The following LSM8 variants were observed in gnomAD, a reference collection of about 807,000 sequenced individuals.
The protein encoded by LSM8 is LSM8 U6 small nuclear RNA associated.
A neutral mutation model predicts 15.0 loss-of-function variants in LSM8; 14 were observed. The observed-to-expected ratio is 0.93, with a 90% CI of 0.62 to 1.46. The LOEUF is 1.46. Among genes scored for constraint, LSM8 ranks in the 40% most tolerant of loss-of-function variants. The pLI, the probability that LSM8 is intolerant of heterozygous loss-of-function variation, is 0.00. For synonymous variants in LSM8, 50 were observed against 42.1 expected (o/e 1.19, Z -0.73); for missense variants, 90 against 115.4 (o/e 0.78, Z 1.01).
In LSM8 at chr7:118,200,873, GT is replaced by G. The variant is rs1809161935; in HGVS notation, c.*8874del. ...CTACTTGTTTCTTGTAAAAAAGGAG[GT>G]TTCTAAATCTTGACTGTTGATTGAC... On this transcript the variant is annotated 3_prime_UTR_variant, in exon 4 of 4. Coordinates refer to ENST00000249299, the MANE Select transcript of LSM8 (RefSeq NM_016200.5). Among the ~76,000 whole-genome samples, 2 of 151,966 alleles carry G rather than the reference GT, an allele frequency of 1.3e-5. No individual in the cohort carries two copies. The highest frequency in any genetic ancestry group is 4.1e-4 in the South Asian group (2 of 4,834).
At chr7:118,184,276 C>T in intron 1 of LSM8, 22 bp downstream of exon 1, 1 of 1,474,246 alleles carries the variant, frequency 6.8e-7, no homozygotes, top group Non-Finnish European at 9.1e-7. Context: ...CTGGCCGCCG[C>T]GGGCGTGAGC....
At position 118,196,136 on chromosome 7, in the gene LSM8, G is replaced by A. The variant is rs1809073391; in HGVS notation, c.*4134G>A. On this transcript the variant is annotated 3_prime_UTR_variant, in exon 4 of 4. Transcript: ENST00000249299. ...AAATAGATTTTGGAATTTTGTCAGG[G>A]ACACTTATCAAGCCATTAATACATG... 6.6e-6 allele frequency among the ~76,000 whole-genome samples: 1 copy of A among 152,138 alleles called. No homozygotes were observed. Among genetic ancestry groups the A allele is most frequent in the Non-Finnish European group, 1.5e-5 (1 of 68,030 alleles).
rs768741430 is a variant in LSM8 at position 118,201,489 on chromosome 7, G to A, written c.*9487G>A. Among the ~76,000 whole-genome samples, 3 of 151,904 alleles carry A rather than the reference G, an allele frequency of 2.0e-5. No homozygotes were observed. The highest frequency in any genetic ancestry group is 4.2e-4 in the South Asian group (2 of 4,816). ...AACGGTTCCTTTGCATCAATAAATC[G>A]CTCTGTGATGCATTTTATAATGTAC... On this transcript the variant is annotated 3_prime_UTR_variant, in exon 4 of 4. Transcript: ENST00000249299.
In LSM8 at chr7:118,202,580, G is replaced by T. The variant is rs187603310; in HGVS notation, c.*10578G>T. Reference sequence around the variant, plus strand: ...CAACTATAACCAGCAGACTATACTGGCAAAATATACTGCTTGAATGCCATT... The same window carrying T: ...CAACTATAACCAGCAGACTATACTGTCAAAATATACTGCTTGAATGCCATT... On this transcript the variant is annotated 3_prime_UTR_variant, in exon 4 of 4. Coordinates refer to ENST00000249299, the MANE Select transcript of LSM8 (RefSeq NM_016200.5). Among the ~76,000 whole-genome samples the T allele has an allele frequency of 2.0e-5, 3 of 152,042 alleles. No homozygotes were observed. Among genetic ancestry groups the T allele is most frequent in the Admixed American group, 2.0e-4 (3 of 15,224 alleles).
At chr7:118,185,738 T>G in intron 2 of LSM8, 44 bp downstream of exon 2, 1 of 1,566,866 alleles carries the variant, frequency 6.4e-7, no homozygotes, top group Non-Finnish European at 8.8e-7. Flanking sequence ...TGTAGGTTTA[T>G]TGGTTGCAAG....
chr7:118,201,777 G>T lies in LSM8; in HGVS notation c.*9775G>T, dbSNP rs545725440. 1.3e-5 allele frequency among the ~76,000 whole-genome samples: 2 copies of T among 152,044 alleles called. No homozygotes were observed. Among genetic ancestry groups the T allele is most frequent in the East Asian group, 1.9e-4 (1 of 5,164 alleles). On this transcript the variant is annotated 3_prime_UTR_variant, in exon 4 of 4. Transcript: ENST00000249299. ...TGGTCATTTCATGTATACATTTGTG[G>T]TAACACTTTAACTTTTTCCCTGTAA...
chr7:118,193,777 A>T lies in LSM8; in HGVS notation c.*1775A>T, dbSNP rs1269574642. ...GTTGCTAAGAAAAATGCATTCTAAC[A>T]GTACAAATGAAGTCCAGAGTCAGAT... On this transcript the variant is annotated 3_prime_UTR_variant, in exon 4 of 4. Coordinates refer to ENST00000249299, the MANE Select transcript of LSM8 (RefSeq NM_016200.5). 1.3e-5 allele frequency among the ~76,000 whole-genome samples: 2 copies of T among 152,152 alleles called. No homozygotes were observed. Among genetic ancestry groups the T allele is most frequent in the African/African-American group, 4.8e-5 (2 of 41,458 alleles).
intron 3 of LSM8, chr7:118,191,625 GTTTCC>G (rs913059562): frequency 7.3e-5 from 19 of 259,338 alleles, no homozygotes; most frequent in African/African-American, 3.6e-4. Flanking sequence ...TTGTGTGTCT[GTTTCC>G]TTTAAAGATT....
rs557312760 is a variant in LSM8, at chr7:118,184,422, C to A, written c.31+168C>A. 33 of 750,644 alleles carry A rather than the reference C, an allele frequency of 4.4e-5. 1 individual carries two copies. The highest frequency in any genetic ancestry group is 1.2e-4 in the Admixed American group (3 of 24,972). The allele number at this position is 750,644 out of a possible 1,614,324, so 46.5% of individuals were successfully genotyped here. Reference sequence around the variant, plus strand: ...TCGCCGGCGGCGCCTCGAGCCTTCCCGCTGCTGCGGGCCCAGGGGTCCTTT... The same window carrying A: ...TCGCCGGCGGCGCCTCGAGCCTTCCAGCTGCTGCGGGCCCAGGGGTCCTTT... On this transcript the variant is annotated intron_variant, in intron 1 of 3. Coordinates refer to ENST00000249299, the MANE Select transcript of LSM8 (RefSeq NM_016200.5).
In LSM8 at chr7:118,199,648, TGA is replaced by T. The variant is rs1031859087; in HGVS notation, c.*7650_*7651del. ...AACTTTGCAACAATCTGTTCAACAA[TGA>T]GAGTTACCAAATGCCAGACACTGCT... On this transcript the variant is annotated 3_prime_UTR_variant, in exon 4 of 4. Coordinates refer to ENST00000249299, the MANE Select transcript of LSM8 (RefSeq NM_016200.5). Among the ~76,000 whole-genome samples, 89 of 152,260 alleles carry T rather than the reference TGA, an allele frequency of 5.8e-4. No individual in the cohort carries two copies. Among genetic ancestry groups the T allele is most frequent in the African/African-American group, 2.1e-3 (86 of 41,554 alleles).
chr7:118,195,652 A>G lies in LSM8; in HGVS notation c.*3650A>G, dbSNP rs1255229162. On this transcript the variant is annotated 3_prime_UTR_variant, in exon 4 of 4. Coordinates refer to ENST00000249299, the MANE Select transcript of LSM8 (RefSeq NM_016200.5). Reference sequence around the variant, plus strand: ...AAGTGTAAACTCAAAGGTCTTTCACATGTAAAGAGGAACCTCTCCATTCTG... The same window carrying G: ...AAGTGTAAACTCAAAGGTCTTTCACGTGTAAAGAGGAACCTCTCCATTCTG... 6.6e-6 allele frequency among the ~76,000 whole-genome samples: 1 copy of G among 152,200 alleles called. No homozygotes were observed. Among genetic ancestry groups the G allele is most frequent in the Non-Finnish European group, 1.5e-5 (1 of 68,046 alleles).
chr7:118,194,668 C>T lies in LSM8; in HGVS notation c.*2666C>T, dbSNP rs1213366540. The stretch of plus-strand genomic sequence containing the variant: ...ATAACGATGTCAACATTTTCCTCAG[C>T]CGTGTAACCTGAGATTCATCATGGG... On this transcript the variant is annotated 3_prime_UTR_variant, in exon 4 of 4. Transcript: ENST00000249299. Among the ~76,000 whole-genome samples, 3 of 152,244 alleles carry T rather than the reference C, an allele frequency of 2.0e-5. No homozygotes were observed. Among genetic ancestry groups the T allele is most frequent in the Middle Eastern group, 3.4e-3 (1 of 292 alleles).
chr7:118,196,616 T>A lies in LSM8; in HGVS notation c.*4614T>A, dbSNP rs1335496347. On this transcript the variant is annotated 3_prime_UTR_variant, in exon 4 of 4. Transcript: ENST00000249299. The stretch of plus-strand genomic sequence containing the variant: ...TTGGTTTTGGCATTAAGTTTTTTTT[T>A]AACTCAATTTTTGTGTTAGTTTTTT... 2.6e-5 allele frequency among the ~76,000 whole-genome samples: 4 copies of A among 151,942 alleles called. No homozygotes were observed. Among genetic ancestry groups the A allele is most frequent in the African/African-American group, 4.8e-5 (2 of 41,528 alleles).
chr7:118,187,148 TTTTG>T lies in LSM8; in HGVS notation c.73-1126_73-1123del, dbSNP rs1179110999. Among the ~76,000 whole-genome samples, 14 of 152,326 alleles carry T rather than the reference TTTTG, an allele frequency of 9.2e-5. No individual in the cohort carries two copies. In the East Asian group the frequency reaches 2.3e-3, roughly 25 times the overall value. ...TAACTAGTTCAATAAATACTCCATATTTTGTTTCTCTTCCAAGTTACAGATTTCA... is the reference window on the plus strand; with the variant it reads ...TAACTAGTTCAATAAATACTCCATATTTTCTCTTCCAAGTTACAGATTTCA... On this transcript the variant is annotated intron_variant, in intron 2 of 3. Coordinates refer to ENST00000249299, the MANE Select transcript of LSM8 (RefSeq NM_016200.5).
At chr7:118,191,678 T>C (rs931580517) in intron 3 of LSM8, 3 of 448,720 alleles carry the variant, frequency 6.7e-6, no homozygotes, top group Non-Finnish European at 1.2e-5. Context: ...TCCTTTAATA[T>C]TGGTTCCTGT....
chr7:118,185,024 T>G (rs1332651274), intron 1 of LSM8: 1 of 152,164 alleles, frequency 6.6e-6, no homozygotes, highest in Non-Finnish European at 1.5e-5. Flanking sequence ...CAACATCGAT[T>G]AATTTAGTAC....
At position 118,193,205 on chromosome 7, in the gene LSM8, TA is replaced by T. The variant is rs1809014906; in HGVS notation, c.*1205del. Reference sequence around the variant, plus strand: ...CACCTCTGCTATTGTGGCCTACAAATAACCATAGATAATACATAAATGAATA... The same window carrying T: ...CACCTCTGCTATTGTGGCCTACAAATACCATAGATAATACATAAATGAATA... On this transcript the variant is annotated 3_prime_UTR_variant, in exon 4 of 4. Transcript: ENST00000249299. Among the ~76,000 whole-genome samples, 1 of 152,226 alleles carries T rather than the reference TA, an allele frequency of 6.6e-6. No individual in the cohort carries two copies. Among genetic ancestry groups the T allele is most frequent in the African/African-American group, 2.4e-5 (1 of 41,560 alleles).
chr7:118,186,496 T>C (rs990987204), intron 2 of LSM8, among the ~76,000 whole-genome samples: 3 of 152,248 alleles, frequency 2.0e-5, no homozygotes, highest in Non-Finnish European at 4.4e-5. Context: ...TGATTTTTTT[T>C]CACTGGGTCC....
chr7:118,185,621 C>T, intron 1 of LSM8, 33 bp from the exon 2 acceptor site: 1 of 1,573,778 alleles, frequency 6.4e-7, no homozygotes, highest in Non-Finnish European at 8.7e-7. Context: ...ATTTGCATTC[C>T]CTAAGAAACA....
Sources: gnomAD v4.1 joint callset for allele counts (sites outside exome capture counted in the v4.1 genomes callset) on GRCh38, gnomAD v4.1.1 for gene constraint, MANE v1.5 for transcripts, NCBI Gene and HGNC (gene_info 2026-07-23, HGNC 2026-07-21) for gene names.